The following LRRC32 variants were observed in gnomAD, a reference collection of about 807,000 sequenced individuals.
LRRC32 encodes the protein transforming growth factor beta activator LRRC32.
A neutral mutation model predicts 15.0 loss-of-function variants in LRRC32; 5 were observed. That is an observed-to-expected ratio of 0.33 (90% CI 0.17 to 0.70). The LOEUF (loss-of-function observed/expected upper bound fraction) is 0.70. Among genes scored for constraint, LRRC32 ranks in the 30% least tolerant of loss-of-function variants. The pLI is 0.66. For missense variants in LRRC32, 803 were observed against 854.2 expected, an observed-to-expected ratio of 0.94 and a Z score of 0.75; for synonymous variants, 391 against 403.9, an observed-to-expected ratio of 0.97 and a Z score of 0.38.
chr11:76,660,435 C>A lies in LRRC32; in HGVS notation c.1158G>T (p.Gly386=), dbSNP rs150970352. 1.3e-4 allele frequency: 204 copies of A among 1,613,694 alleles called. No homozygotes were observed. The African/African-American group carries it at 1.6e-3, about 12-fold the overall frequency. The part of the protein sequence containing the change: ...ETLELGARAL[G]SLRTLLLQGN... ...CCTGTAGGAGCAGCGTCCGCAGAGA[C>A]CCCAGGGCTCTGGCGCCCAGTTCCA... The change falls in exon 3 of 3, where the codon GGG becomes GGT. Residue 386 remains glycine (G), a synonymous_variant. Transcript: ENST00000260061.
intron 1 of LRRC32, among the ~76,000 whole-genome samples, chr11:76,668,309 G>A (rs968544573): frequency 2.6e-5 from 4 of 151,902 alleles, no homozygotes; most frequent in Admixed American, 2.6e-4. Flanking sequence ...GCCACAGACC[G>A]AGACGCCACC....
intron 1 of LRRC32, among the ~76,000 whole-genome samples, chr11:76,668,987 G>C (rs1312105247): frequency 6.6e-6 from 1 of 152,166 alleles, no homozygotes; most frequent in Non-Finnish European, 1.5e-5. Context: ...TCAAAAAGGA[G>C]GACGGTGTCA....
intron 1 of LRRC32, among the ~76,000 whole-genome samples, chr11:76,667,934 A>T (rs75031534): frequency 1.9e-3 from 283 of 152,366 alleles, no homozygotes; most frequent in African/African-American, 6.6e-3. Context: ...TAGATGGGCC[A>T]AGAGGCCTTC....
chr11:76,670,453 G>C (rs1259806670), intron 1 of LRRC32, among the ~76,000 whole-genome samples, 161 bp downstream of exon 1: 1 of 152,212 alleles, frequency 6.6e-6, no homozygotes, highest in Admixed American at 6.5e-5. Flanking sequence ...CCCAGGGACC[G>C]AGGGAGGGTC....
At chr11:76,662,668 C>G (rs1952556266) in intron 2 of LRRC32, 2 of 152,494 alleles carry the variant, frequency 1.3e-5, no homozygotes, top group South Asian at 4.1e-4. Flanking sequence ...AAAGGTCTGA[C>G]TTCCACAATC....
At position 76,658,489 on chromosome 11, in the gene LRRC32, G is replaced by A. The variant is rs1225852869; in HGVS notation, c.*1115C>T. On this transcript the variant is annotated 3_prime_UTR_variant, in exon 3 of 3. Transcript: ENST00000260061. ...CTTCCAGACCCTGCTCGGGCTATGT[G>A]GGGCCACTTCCTGTCCACTTAACGG... The A allele has an allele frequency of 6.6e-6, 1 of 152,294 alleles. No homozygotes were observed. The highest frequency in any genetic ancestry group is 1.5e-5 in the Non-Finnish European group (1 of 68,146). 9.4% of individuals were successfully genotyped at this position (152,294 alleles called of 1,614,324 possible).
intron 2 of LRRC32, chr11:76,663,314 G>C (rs1952569668): frequency 6.6e-6 from 1 of 152,384 alleles, no homozygotes; most frequent in Non-Finnish European, 1.5e-5. Context: ...GGTAGAGCAA[G>C]AAGAGTTCAG....
chr11:76,665,174 C>CAA, intron 2 of LRRC32, among the ~76,000 whole-genome samples: 1 of 152,196 alleles, frequency 6.6e-6, no homozygotes, highest in Non-Finnish European at 1.5e-5. Context: ...GGAATAGAAG[C>CAA]AAATCAAACT....
At chr11:76,668,297 C>G (rs991395427) in intron 1 of LRRC32, among the ~76,000 whole-genome samples, 1 of 152,162 alleles carries the variant, frequency 6.6e-6, no homozygotes, top group Non-Finnish European at 1.5e-5. Context: ...CCTCTTATCA[C>G]TGCCACAGAC....
At chr11:76,667,884 C>T (rs1952650694) in intron 1 of LRRC32, among the ~76,000 whole-genome samples, 1 of 152,258 alleles carries the variant, frequency 6.6e-6, no homozygotes, top group South Asian at 2.1e-4. Context: ...CTCCCCTCTC[C>T]TCTTCTGCTA....
rs1380050707 is a variant in LRRC32, at chr11:76,660,312, C to T, written c.1281G>A (p.Gly427=). 3.1e-6 allele frequency: 5 copies of T among 1,597,720 alleles called. No individual in the cohort carries two copies. The South Asian group carries it at 3.4e-5, about 11-fold the overall frequency. The change falls in exon 3 of 3, where the codon GGG becomes GGA. Residue 427 remains glycine (G), a synonymous_variant. Transcript: ENST00000260061. The part of the protein sequence containing the change: ...LQGNRVSPCG[G]PDEPGPSGCV... ...AGCCGGAGGGGCCAGGCTCATCTGG[C>T]CCCCCACAGGGGCTGACTCGGTTCC... is the stretch of plus-strand genomic sequence containing the variant.
chr11:76,661,617 T>C lies in LRRC32; in HGVS notation c.85-109A>G, dbSNP rs1952535796. 3.0e-5 allele frequency: 44 copies of C among 1,446,678 alleles called. No homozygotes were observed. In the South Asian group the frequency reaches 5.1e-4, roughly 17 times the overall value. The allele number at this position is 1,446,678 out of a possible 1,614,324, so 89.6% of individuals were successfully genotyped here. The stretch of plus-strand genomic sequence containing the variant: ...GCCTGGCTGGGGAACCCTTCTCCCA[T>C]GGACTCCCAGAATGCTCAACTTTCC... On this transcript the variant is annotated intron_variant, in intron 2 of 2. Coordinates refer to ENST00000260061, the MANE Select transcript of LRRC32 (RefSeq NM_001128922.2).
At position 76,660,011 on chromosome 11, in the gene LRRC32, G is replaced by A; in HGVS notation, c.1582C>T (p.His528Tyr). 6.2e-7 allele frequency: 1 copy of A among 1,614,146 alleles called. No individual in the cohort carries two copies. Among genetic ancestry groups the A allele is most frequent in the South Asian group, 1.1e-5 (1 of 91,086 alleles). The change falls in exon 3 of 3, where the codon CAC (histidine) becomes TAC (tyrosine). Residue 528 changes from histidine to tyrosine, a missense_variant. His to Tyr is a moderately conservative substitution (Grantham distance 83, BLOSUM62 2). Transcript: ENST00000260061. The stretch of plus-strand genomic sequence containing the variant: ...ACAGCCTGTGTCCAGGCGGGAAGGT[G>A]GCTCAGGCGGTTCTCGGCAAGATTG... The part of the protein sequence containing the change: ...RLNLAENRLS[H>Y]LPAWTQAVSL...
chr11:76,665,340 C>G (rs1952607402), intron 2 of LRRC32, among the ~76,000 whole-genome samples: 1 of 152,048 alleles, frequency 6.6e-6, no homozygotes, highest in Non-Finnish European at 1.5e-5. Flanking sequence ...ACTAGGCCAG[C>G]CTGGGAGGGG....
At chr11:76,661,605 A>T (rs1952535473) in intron 2 of LRRC32, 97 bp from the exon 3 acceptor site, 1 of 1,455,288 alleles carries the variant, frequency 6.9e-7, no homozygotes. Context: ...TGGCTGGGGA[A>T]CCCTTCTCCC....
At chr11:76,666,032 C>T in intron 1 of LRRC32, 74 bp from the exon 2 acceptor site, 1 of 1,385,170 alleles carries the variant, frequency 7.2e-7, no homozygotes, top group Non-Finnish European at 1.0e-6. Flanking sequence ...CCCACTCCCA[C>T]CCATTCTGTG....
At chr11:76,669,894 G>A (rs868487398) in intron 1 of LRRC32, 1 of 152,330 alleles carries the variant, frequency 6.6e-6, no homozygotes, top group Non-Finnish European at 1.5e-5. Context: ...TCACACGCAG[G>A]AGCAGGGCAG....
chr11:76,660,670 T>G lies in LRRC32; in HGVS notation c.923A>C (p.Asn308Thr). 1 of 1,614,064 alleles carries G rather than the reference T, an allele frequency of 6.2e-7. No individual in the cohort carries two copies. The highest frequency in any genetic ancestry group is 1.3e-5 in the African/African-American group (1 of 75,052). Residue 308 changes from asparagine to threonine, a missense_variant, in exon 3 of 3, where the codon AAT (asparagine) becomes ACT (threonine). Asn to Thr is a moderately conservative substitution (Grantham distance 65, BLOSUM62 0). Transcript: ENST00000260061. The part of the protein sequence containing the change: ...SALPLSAPSG[N>T]ASGRPLSQLL... ...CTGGGAAAGGGGGCGGCCGCTGGCA[T>G]TCCCGCTGGGGGCTGAGAGGGGCAG... is the stretch of plus-strand genomic sequence containing the variant.
intron 2 of LRRC32, chr11:76,663,468 G>A (rs1419042345): frequency 6.6e-6 from 1 of 152,200 alleles, no homozygotes. Flanking sequence ...GCTTCCTCCT[G>A]AGAGCCCCAA....
Sources: allele counts gnomAD v4.1 joint callset (sites outside exome capture counted in the v4.1 genomes callset), GRCh38; gene constraint gnomAD v4.1.1; transcripts MANE v1.5; gene names NCBI Gene and HGNC (gene_info 2026-07-23, HGNC 2026-07-21).